Variants in ATXN7L1 observed in about 807,000 individuals in gnomAD.
The protein encoded by ATXN7L1 is ataxin-7-like protein 1.
A neutral mutation model predicts 70.8 loss-of-function variants in ATXN7L1; 15 were observed. That is an observed-to-expected ratio of 0.21 (90% CI 0.14 to 0.33). The LOEUF is 0.33. Ranked by LOEUF, ATXN7L1 falls within the 10% of genes least tolerant of loss-of-function variation. The probability of loss-of-function intolerance (pLI) is 1.00; values close to 1 mark genes in which losing one functional copy is unlikely to be tolerated. For synonymous variants in ATXN7L1, 440 were observed against 445.1 expected (o/e 0.99, Z 0.14); for missense variants, 975 against 1,097.1 (o/e 0.89, Z 1.57).
chr7:105,721,105 C>T (rs988836632), intron 3 of ATXN7L1, among the ~76,000 whole-genome samples: 5 of 152,104 alleles, frequency 3.3e-5, no homozygotes, highest in Admixed American at 6.6e-5. Flanking sequence ...ATGTTGCTGC[C>T]GGGTGTGAAG....
In ATXN7L1 at chr7:105,606,338, A is replaced by G. The variant is rs148139033; in HGVS notation, c.*1514T>C. ...TCTTTGCAATTCCAATTGTGTGGTGAAACTTAACAGTAGTCTGATCTTTGG... is the reference window on the plus strand; with the variant it reads ...TCTTTGCAATTCCAATTGTGTGGTGGAACTTAACAGTAGTCTGATCTTTGG... On this transcript the variant is annotated 3_prime_UTR_variant, in exon 12 of 12. Coordinates refer to ENST00000419735, the MANE Select transcript of ATXN7L1 (RefSeq NM_020725.2). 23 of 152,338 alleles carry G rather than the reference A, an allele frequency of 1.5e-4. No individual in the cohort carries two copies. The highest frequency in any genetic ancestry group is 5.5e-4 in the African/African-American group (23 of 41,574). The allele number at this position is 152,338 out of a possible 1,614,324, so 9.4% of individuals were successfully genotyped here.
At chr7:105,792,208 G>T (rs114922234) in intron 2 of ATXN7L1, among the ~76,000 whole-genome samples, 22 of 152,258 alleles carry the variant, frequency 1.4e-4, no homozygotes, top group African/African-American at 4.8e-4. Context: ...GGCCTTTCCC[G>T]TTGAGACTTT....
At chr7:105,794,885 G>A (rs1251416647) in intron 2 of ATXN7L1, among the ~76,000 whole-genome samples, 2 of 152,192 alleles carry the variant, frequency 1.3e-5, no homozygotes, top group African/African-American at 4.8e-5. Flanking sequence ...AATCAGGTCT[G>A]CTTATAAATT....
At chr7:105,670,720 T>G (rs1803417916) in intron 3 of ATXN7L1, among the ~76,000 whole-genome samples, 1 of 151,890 alleles carries the variant, frequency 6.6e-6, no homozygotes, top group South Asian at 2.1e-4. Context: ...TCCCAGCACT[T>G]TGGGAGGCCA....
At chr7:105,806,575 T>A (rs1807645623) in intron 2 of ATXN7L1, among the ~76,000 whole-genome samples, 2 of 151,956 alleles carry the variant, frequency 1.3e-5, no homozygotes, top group South Asian at 4.2e-4. Context: ...AGTGGGGACA[T>A]CATGAGCAAG....
Position 105,685,068 on chromosome 7 carries a change from A to G in ATXN7L1, c.356-19780T>C, listed in dbSNP as rs1297096614. On this transcript the variant is annotated intron_variant, in intron 3 of 11. Transcript: ENST00000419735. ...TGATAATAATAATAATAATAATAAT[A>G]ATAATAATAATAATAATAAATGGTT... Among the ~76,000 whole-genome samples, 50 of 149,454 alleles carry G rather than the reference A, an allele frequency of 3.3e-4. 2 individuals carry two copies. Among genetic ancestry groups the G allele is most frequent in the Non-Finnish European group, 3.0e-5 (2 of 67,464 alleles).
intron 2 of ATXN7L1, among the ~76,000 whole-genome samples, chr7:105,830,964 T>C (rs1811518210): frequency 6.6e-6 from 1 of 152,266 alleles, no homozygotes; most frequent in Non-Finnish European, 1.5e-5. Flanking sequence ...CACAGGAGCC[T>C]GGGATACCTT....
At chr7:105,711,858 C>G (rs570453649) in intron 3 of ATXN7L1, among the ~76,000 whole-genome samples, 4 of 152,266 alleles carry the variant, frequency 2.6e-5, no homozygotes, top group Non-Finnish European at 5.9e-5. Flanking sequence ...GGGCTTCCAA[C>G]CCCACATTTC....
Position 105,614,164 on chromosome 7 carries a change from C to G in ATXN7L1, c.2170G>C (p.Gly724Arg), listed in dbSNP as rs1019594565. The stretch of plus-strand genomic sequence containing the variant: ...TGTCTCACTATGTCCGCGGGGCCGC[C>G]GGGCAGCGAGGTCCGTCCTGAGGGC... ...LEPSGRTSLP[G>R]GPADIVRQVG... Residue 724 changes from glycine (G) to arginine (R), a missense_variant, in exon 10 of 12, where the codon GGC becomes CGC. Gly to Arg is a moderately radical substitution (Grantham distance 125). Transcript: ENST00000419735. The surrounding 1 kb of genome is among the most constrained non-coding windows in gnomAD (Gnocchi z 4.3). 1.3e-6 allele frequency: 2 copies of G among 1,551,542 alleles called. No individual in the cohort carries two copies. Among genetic ancestry groups the G allele is most frequent in the Middle Eastern group, 1.7e-4 (1 of 6,012 alleles).
chr7:105,780,566 T>A (rs78341287), intron 3 of ATXN7L1, among the ~76,000 whole-genome samples: 2 of 152,018 alleles, frequency 1.3e-5, no homozygotes, highest in African/African-American at 2.4e-5. Context: ...TTTTTTTTTT[T>A]AAGTAGCAGT....
chr7:105,620,586 C>T (rs576318848), intron 8 of ATXN7L1, among the ~76,000 whole-genome samples: 1 of 152,216 alleles, frequency 6.6e-6, no homozygotes, highest in South Asian at 2.1e-4. Context: ...GGGATTGAGC[C>T]AGCATTTTTG....
intron 3 of ATXN7L1, among the ~76,000 whole-genome samples, chr7:105,767,540 G>C (rs1425789834): frequency 2.0e-5 from 3 of 152,212 alleles, no homozygotes; most frequent in South Asian, 2.1e-4. Flanking sequence ...GGCCAGAGAA[G>C]TGCCTTGCTG....
chr7:105,656,925 A>C (rs1800744462), intron 4 of ATXN7L1, among the ~76,000 whole-genome samples: 1 of 152,220 alleles, frequency 6.6e-6, no homozygotes, highest in Admixed American at 6.5e-5. Context: ...AAAGGAGAAA[A>C]TAACAAAACC....
At chr7:105,802,390 C>A (rs1257495694) in intron 2 of ATXN7L1, among the ~76,000 whole-genome samples, 1 of 152,046 alleles carries the variant, frequency 6.6e-6, no homozygotes, top group Non-Finnish European at 1.5e-5. Flanking sequence ...GTTCAGACAC[C>A]CCCAGCTGCC....
chr7:105,699,171 C>T lies in ATXN7L1; in HGVS notation c.356-33883G>A, dbSNP rs533421191. On this transcript the variant is annotated intron_variant, in intron 3 of 11. Coordinates refer to ENST00000419735, the MANE Select transcript of ATXN7L1 (RefSeq NM_020725.2). ...TTTTTGGGGTGGAACCTTGCTCTGT[C>T]ACCCAGGTTGGAGCACAGTTGTGCA... Among the ~76,000 whole-genome samples, 41 of 152,008 alleles carry T rather than the reference C, an allele frequency of 2.7e-4. No individual in the cohort carries two copies. The South Asian group carries it at 5.2e-3, about 19-fold the overall frequency.
chr7:105,836,572 A>AT (rs1245253721), intron 2 of ATXN7L1, among the ~76,000 whole-genome samples: 1 of 152,224 alleles, frequency 6.6e-6, no homozygotes, highest in Non-Finnish European at 1.5e-5. Context: ...TGGCATAAGC[A>AT]TCCCCAGAAG....
intron 3 of ATXN7L1, among the ~76,000 whole-genome samples, chr7:105,668,569 GC>G (rs1803017136): frequency 6.6e-6 from 1 of 152,082 alleles, no homozygotes; most frequent in Non-Finnish European, 1.5e-5. Flanking sequence ...TTATAGGCAT[GC>G]ACCATCACGC....
chr7:105,696,163 A>T (rs1256886638), intron 3 of ATXN7L1, among the ~76,000 whole-genome samples: 1 of 152,226 alleles, frequency 6.6e-6, no homozygotes, highest in Non-Finnish European at 1.5e-5. Context: ...GGTGGACTTC[A>T]CGTTGACTGT....
rs1184655306 is a variant in ATXN7L1 at position 105,843,229 on chromosome 7, C to T, written c.250+32583G>A. Among the ~76,000 whole-genome samples the T allele has an allele frequency of 2.0e-5, 3 of 152,208 alleles. No homozygotes were observed. In the East Asian group the frequency reaches 5.8e-4, roughly 29 times the overall value. On this transcript the variant is annotated intron_variant, in intron 2 of 11. Transcript: ENST00000419735. The stretch of plus-strand genomic sequence containing the variant: ...GGAAGGCTGCACCAGCTCACAAAAG[C>T]TTCCACATCTAGCTGGGGCCCACCC...
Sources: allele counts gnomAD v4.1 joint callset (sites outside exome capture counted in the v4.1 genomes callset), GRCh38; gene constraint gnomAD v4.1.1; non-coding constraint Gnocchi (gnomAD v3.1); transcripts MANE v1.5; gene names NCBI Gene and HGNC (gene_info 2026-07-23, HGNC 2026-07-21).